TCF21: variants seen among roughly 807,000 people sequenced by gnomAD.
The protein encoded by TCF21 is capsulin.
In TCF21, 3 loss-of-function variants were observed where a neutral mutation model predicts 13.5. The observed-to-expected ratio is 0.22, with a 90% confidence interval of 0.10 to 0.57. The LOEUF is 0.57. Ranked by LOEUF, TCF21 falls within the 20% of genes least tolerant of loss-of-function variation. The pLI, the probability that TCF21 is intolerant of heterozygous loss-of-function variation, is 0.92. For missense variants in TCF21, 181 were observed against 238.4 expected (o/e 0.76, Z 1.59); for synonymous variants, 92 against 101.7 (o/e 0.90, Z 0.57).
intron 1 of TCF21, 79 bp from the exon 2 acceptor site, chr6:133,891,634 C>G: frequency 8.0e-6 from 7 of 878,808 alleles, no homozygotes; most frequent in Non-Finnish European, 1.0e-5. Context: ...CGCCCCCCTT[C>G]CTTTCATCTC....
chr6:133,892,997 G>T (rs1775246281), downstream of TCF21: 2 of 152,254 alleles, frequency 1.3e-5, no homozygotes, highest in African/African-American at 2.4e-5. Context: ...CGGCCGATGC[G>T]CCAGATGCCA....
chr6:133,889,761 A>T lies in TCF21; in HGVS notation c.364A>T (p.Arg122Trp). The stretch of plus-strand genomic sequence containing the variant: ...CAAGCTCTCCAAGCTGGACACGCTC[A>T]GGCTGGCGTCCAGCTACATCGCCCA... The part of the protein sequence containing the change: ...DTKLSKLDTL[R>W]LASSYIAHLR... Residue 122 changes from arginine (R) to tryptophan (W), a missense_variant, in exon 1 of 2, where the codon AGG becomes TGG. This residue lies in a region of TCF21 where 35 missense variants were observed against 80.4 expected (regional missense o/e 0.44). Coordinates refer to ENST00000367882, the MANE Select transcript of TCF21 (RefSeq NM_003206.4). The surrounding 1 kb of genome is among the most constrained non-coding windows in gnomAD (Gnocchi z 5.1). 6.2e-7 allele frequency: 1 copy of T among 1,613,476 alleles called. No homozygotes were observed. Among genetic ancestry groups the T allele is most frequent in the Non-Finnish European group, 8.5e-7 (1 of 1,179,980 alleles).
In TCF21 at chr6:133,889,284, A is replaced by G; in HGVS notation, c.-114A>G. 7.2e-7 allele frequency: 1 copy of G among 1,382,852 alleles called. No individual in the cohort carries two copies. Among genetic ancestry groups the G allele is most frequent in the Non-Finnish European group, 1.0e-6 (1 of 985,354 alleles). 85.7% of individuals were successfully genotyped at this position (1,382,852 alleles called of 1,614,324 possible). On this transcript the variant is annotated 5_prime_UTR_variant, in exon 1 of 2. Coordinates refer to ENST00000367882, the MANE Select transcript of TCF21 (RefSeq NM_003206.4). The surrounding 1 kb of genome is among the most constrained non-coding windows in gnomAD (Gnocchi z 5.1). ...GCTCCCAGCAGGAGGTGGCTGCGCCACACTCGGGAGGCCTCTTGGTTTCAG... is the reference window on the plus strand; with the variant it reads ...GCTCCCAGCAGGAGGTGGCTGCGCCGCACTCGGGAGGCCTCTTGGTTTCAG...
At chr6:133,892,839 C>T (rs903685453), downstream of TCF21, 2 of 152,214 alleles carry the variant, frequency 1.3e-5, no homozygotes, top group African/African-American at 4.8e-5. Context: ...GTTTAGCTCC[C>T]GCCACGACTT....
At chr6:133,894,552 A>G (rs3734280), downstream of TCF21, 1,792 of 152,670 alleles carry the variant, frequency 0.012, 32 homozygotes, top group South Asian at 0.05. Flanking sequence ...CCTCCAACAC[A>G]CACCCACAGT....
intron 1 of TCF21, among the ~76,000 whole-genome samples, chr6:133,890,397 T>C (rs1775192083): frequency 6.6e-6 from 1 of 152,352 alleles, no homozygotes; most frequent in South Asian, 2.1e-4. Flanking sequence ...TTAAATATTC[T>C]GTGCTTCTCC....
Position 133,891,772 on chromosome 6 carries a change from G to A in TCF21, c.510G>A (p.Ala170=), listed in dbSNP as rs1390998439. 1 of 1,613,952 alleles carries A rather than the reference G, an allele frequency of 6.2e-7. No individual in the cohort carries two copies. The highest frequency in any genetic ancestry group is 8.5e-7 in the Non-Finnish European group (1 of 1,179,998). ...PESDLKEVVT[A]SRLCGTTAS is the part of the protein sequence containing the mutation. ...GTGACCTGAAAGAAGTGGTGACCGC[G>A]AGCCGCTTATGTGGAACCACCGCGT... is the stretch of plus-strand genomic sequence containing the variant. Residue 170 remains alanine (A), a synonymous_variant, in exon 2 of 2, where the codon GCG becomes GCA. Transcript: ENST00000367882.
intron 1 of TCF21, 78 bp from the exon 2 acceptor site, chr6:133,891,635 C>CCT: frequency 2.2e-6 from 3 of 1,337,582 alleles, no homozygotes; most frequent in Admixed American, 2.0e-5. Context: ...GCCCCCCTTC[C>CCT]TTTCATCTCA....
chr6:133,889,834 A>C lies in TCF21; in HGVS notation c.437A>C (p.His146Pro). ...ANDKYENGYI[H>P]PVNLTWPFMV... ...GACAAATACGAGAACGGGTACATTC[A>C]CCCGGTCAACCTGGTGAGTGCTCCC... Residue 146 changes from histidine (H) to proline (P), a missense_variant, in exon 1 of 2, where the codon CAC becomes CCC. Transcript: ENST00000367882. The surrounding 1 kb of genome is among the most constrained non-coding windows in gnomAD (Gnocchi z 5.1). 1 of 1,612,694 alleles carries C rather than the reference A, an allele frequency of 6.2e-7. No individual in the cohort carries two copies. Among genetic ancestry groups the C allele is most frequent in the Non-Finnish European group, 8.5e-7 (1 of 1,179,776 alleles).
At position 133,891,630 on chromosome 6, in the gene TCF21, C is replaced by T. The variant is rs115065336; in HGVS notation, c.451-83C>T. The stretch of plus-strand genomic sequence containing the variant: ...GAGCACCGCCTGCCCCCACCGCCCC[C>T]CTTCCTTTCATCTCAGGCCCCGAGT... On this transcript the variant is annotated intron_variant, in intron 1 of 1. Transcript: ENST00000367882. The T allele has an allele frequency of 6.8e-6, 8 of 1,183,894 alleles. No homozygotes were observed. The Admixed American group carries it at 8.1e-5, about 12-fold the overall frequency. 73.3% of individuals were successfully genotyped at this position (1,183,894 alleles called of 1,614,324 possible).
chr6:133,893,692 T>G (rs1020429024), downstream of TCF21: 1 of 152,238 alleles, frequency 6.6e-6, no homozygotes, highest in Non-Finnish European at 1.5e-5. Flanking sequence ...TTCTGAGGAT[T>G]CCAGGCAGGC....
intron 1 of TCF21, 141 bp from the exon 2 acceptor site, chr6:133,891,572 G>A: frequency 1.1e-6 from 1 of 897,770 alleles, no homozygotes; most frequent in Middle Eastern, 3.2e-4. Context: ...CGCTAGGACC[G>A]GGAGTAAATT....
downstream of TCF21, chr6:133,893,941 G>A (rs1430131782): frequency 1.3e-5 from 2 of 152,150 alleles, no homozygotes; most frequent in South Asian, 2.1e-4. Flanking sequence ...TGCAAGCAGG[G>A]ATAACGGTAA....
In TCF21 at chr6:133,892,188, T is replaced by G. The variant is rs1347735943; in HGVS notation, c.*386T>G. ...AGTCACATTTATAAAGTAATTCACT[T>G]AAAGATATATATTTTTTTCAAACAA... On this transcript the variant is annotated 3_prime_UTR_variant, in exon 2 of 2. Coordinates refer to ENST00000367882, the MANE Select transcript of TCF21 (RefSeq NM_003206.4). 1 of 155,052 alleles carries G rather than the reference T, an allele frequency of 6.4e-6. No individual in the cohort carries two copies. Among genetic ancestry groups the G allele is most frequent in the Non-Finnish European group, 1.4e-5 (1 of 69,934 alleles). The allele number at this position is 155,052 out of a possible 1,614,324, so 9.6% of individuals were successfully genotyped here.
chr6:133,889,192 T>C lies in TCF21; in HGVS notation c.-206T>C. ...GCCGGTTCCTCTGCTGCAGAAGTCC[T>C]CGGGGTTCCTTCTCACAACTCTGCG... On this transcript the variant is annotated 5_prime_UTR_variant, in exon 1 of 2. Transcript: ENST00000367882. This position sits in a 1 kb window ranked among gnomAD's most constrained non-coding sequence, Gnocchi z 5.1. 1.6e-6 allele frequency: 1 copy of C among 621,708 alleles called. No individual in the cohort carries two copies. The highest frequency in any genetic ancestry group is 2.8e-6 in the Non-Finnish European group (1 of 354,016). 38.5% of individuals were successfully genotyped at this position (621,708 alleles called of 1,614,324 possible). A position where few individuals can be genotyped will look rare whatever the true frequency, so the allele number is the denominator to read the frequency against.
At position 133,889,484 on chromosome 6, in the gene TCF21, G is replaced by GGATTTGTTC. The variant is rs1289362985; in HGVS notation, c.89_90insTTTGTTCGA (p.Lys29_Glu30insAspLeuPhe). ...ACGGGTTGAAAATGGATTCGAACAA[G>GGATTTGTTC]GAATTTGTGACTTCCAACGAGAGCA... On this transcript the variant is annotated inframe_insertion, in exon 1 of 2. Coordinates refer to ENST00000367882, the MANE Select transcript of TCF21 (RefSeq NM_003206.4). This position sits in a 1 kb window ranked among gnomAD's most constrained non-coding sequence, Gnocchi z 5.1. 9 of 1,614,022 alleles carry GGATTTGTTC rather than the reference G, an allele frequency of 5.6e-6. No individual in the cohort carries two copies. Among genetic ancestry groups the GGATTTGTTC allele is most frequent in the African/African-American group, 1.3e-5 (1 of 74,928 alleles).
At position 133,889,859 on chromosome 6, in the gene TCF21, C is replaced by T. The variant is rs1775178910; in HGVS notation, c.450+12C>T. 1.2e-6 allele frequency: 2 copies of T among 1,612,400 alleles called. No homozygotes were observed. The highest frequency in any genetic ancestry group is 1.1e-5 in the South Asian group (1 of 91,036). On this transcript the variant is annotated intron_variant, in intron 1 of 1. Transcript: ENST00000367882. This position sits in a 1 kb window ranked among gnomAD's most constrained non-coding sequence, Gnocchi z 5.1. ...ACCCGGTCAACCTGGTGAGTGCTCC[C>T]GGGGCTGCAGCTGCAGTCCAGGCGC...
intron 1 of TCF21, among the ~76,000 whole-genome samples, chr6:133,890,403 TCTC>T (rs914268175): frequency 1.3e-5 from 2 of 152,308 alleles, no homozygotes; most frequent in African/African-American, 4.8e-5. Flanking sequence ...ATTCTGTGCT[TCTC>T]CTATAAGTGG....
intron 1 of TCF21, among the ~76,000 whole-genome samples, chr6:133,890,597 T>A (rs553522581): frequency 8.5e-5 from 13 of 152,174 alleles, no homozygotes; most frequent in Non-Finnish European, 1.6e-4. Context: ...AAACTGATAA[T>A]CATTGAGTCT....
Sources: gnomAD v4.1 joint callset for allele counts (sites outside exome capture counted in the v4.1 genomes callset) on GRCh38, gnomAD v4.1.1 for gene constraint, gnomAD v4.1.1 regional missense constraint, Gnocchi (gnomAD v3.1) non-coding constraint, MANE v1.5 for transcripts, NCBI Gene and HGNC (gene_info 2026-07-23, HGNC 2026-07-21) for gene names.